ZNF605: variants seen among roughly 807,000 people sequenced by gnomAD.
ZNF605 encodes zinc finger protein 605.
ZNF605 carries 9 observed loss-of-function variants against 7.9 expected under a neutral mutation model. The ratio of observed to expected loss-of-function variants is 1.14; its 90% CI spans 0.68 to 1.98. The LOEUF (loss-of-function observed/expected upper bound fraction) is 1.98, where lower values mean the gene tolerates loss of function less well. Among genes scored for constraint, ZNF605 ranks in the 30% most tolerant of loss-of-function variants. The probability of loss-of-function intolerance (pLI) is 0.00; values close to 1 mark genes in which losing one functional copy is unlikely to be tolerated. For synonymous variants in ZNF605, 255 were observed against 260.1 expected (o/e 0.98, Z 0.19); for missense variants, 673 against 762.4 (o/e 0.88, Z 1.38).
At chr12:132,934,611 CAGG>C (rs56245925) in intron 3 of ZNF605, among the ~76,000 whole-genome samples, 24,109 of 149,334 alleles carry the variant, frequency 0.16, 1,986 homozygotes, top group Non-Finnish European at 0.19. Context: ...GAGGCTGAGA[CAGG>C]AGAATAGCTT....
chr12:132,923,144 C>T lies in ZNF605; in HGVS notation c.*2229G>A, dbSNP rs966621720. 6 of 152,194 alleles carry T rather than the reference C, an allele frequency of 3.9e-5. No homozygotes were observed. The highest frequency in any genetic ancestry group is 7.3e-5 in the Non-Finnish European group (5 of 68,032). 9.4% of individuals were successfully genotyped at this position (152,194 alleles called of 1,614,324 possible). ...TTAAAAATTCACACTTAAGTGTTAT[C>T]GTCATCACACTTTACTTCTAAATAA... On this transcript the variant is annotated 3_prime_UTR_variant, in exon 5 of 5. Transcript: ENST00000360187.
At chr12:132,950,638 T>C (rs936186893) in intron 1 of ZNF605, among the ~76,000 whole-genome samples, 8 of 148,214 alleles carry the variant, frequency 5.4e-5, no homozygotes, top group Non-Finnish European at 7.4e-5. Context: ...ACACCCTGAG[T>C]ACATCGCACA....
rs1436899902 is a variant in ZNF605 at position 132,920,992 on chromosome 12, A to G, written c.*4381T>C. ...CAGGCATGTGCCACCATGCCCGGCTAATTTTTTTGTATTTAGTAGAGACGG... is the reference window on the plus strand; with the variant it reads ...CAGGCATGTGCCACCATGCCCGGCTGATTTTTTTGTATTTAGTAGAGACGG... On this transcript the variant is annotated 3_prime_UTR_variant, in exon 5 of 5. Transcript: ENST00000360187. The G allele has an allele frequency of 6.6e-6, 1 of 152,110 alleles. No individual in the cohort carries two copies. The highest frequency in any genetic ancestry group is 1.5e-5 in the Non-Finnish European group (1 of 68,058). 9.4% of individuals were successfully genotyped at this position (152,110 alleles called of 1,614,324 possible).
In ZNF605 at chr12:132,933,600, G is replaced by A. The variant is rs1952327725; in HGVS notation, c.16-445C>T. ...TGAGACCCTCAACCAGAACCAACTG[G>A]GCAAGTACCTGGCAGATTCCAAAAC... is the stretch of plus-strand genomic sequence containing the variant. On this transcript the variant is annotated intron_variant, in intron 3 of 4. Transcript: ENST00000360187. The surrounding 1 kb of genome is among the most constrained non-coding windows in gnomAD (Gnocchi z 4.4). Among the ~76,000 whole-genome samples the A allele has an allele frequency of 6.6e-6, 1 of 152,084 alleles. No homozygotes were observed. The highest frequency in any genetic ancestry group is 2.1e-4 in the South Asian group (1 of 4,826).
intron 3 of ZNF605, among the ~76,000 whole-genome samples, chr12:132,934,023 G>A (rs888167656): frequency 6.6e-6 from 1 of 152,074 alleles, no homozygotes; most frequent in Non-Finnish European, 1.5e-5. Context: ...TTGGGAGGCT[G>A]AGGTGGGCGG....
chr12:132,925,787 G>A lies in ZNF605; in HGVS notation c.1512C>T (p.Pro504=). The change falls in exon 5 of 5, where the codon CCC becomes CCT. Residue 504 remains proline (P), a synonymous_variant. Coordinates refer to ENST00000360187, the MANE Select transcript of ZNF605 (RefSeq NM_183238.4). ...HHQRTHTGEK[P]FECSECRKAF... is the part of the protein sequence containing the mutation. ...CTTTCCTACATTCACTACATTCAAA[G>A]GGCTTTTCTCCAGTATGGGTTCTCT... 6.2e-7 allele frequency: 1 copy of A among 1,614,060 alleles called. No individual in the cohort carries two copies. Among genetic ancestry groups the A allele is most frequent in the Non-Finnish European group, 8.5e-7 (1 of 1,179,998 alleles).
In ZNF605 at chr12:132,933,048, A is replaced by G; in HGVS notation, c.123T>C (p.Asn41=). The G allele has an allele frequency of 1.3e-6, 2 of 1,593,004 alleles. No individual in the cohort carries two copies. Among genetic ancestry groups the G allele is most frequent in the Non-Finnish European group, 1.7e-6 (2 of 1,167,630 alleles). ...YRDVMLENYS[N]LVFLEVWLDN... is the part of the protein sequence containing the mutation. ...GAATGTTCTTACCCAAGAAAACCAG[A>G]TTGCTATAGTTCTCCAACATCACAT... is the stretch of plus-strand genomic sequence containing the variant. Residue 41 remains asparagine, a synonymous_variant, in exon 4 of 5, where the codon AAT becomes AAC. Coordinates refer to ENST00000360187, the MANE Select transcript of ZNF605 (RefSeq NM_183238.4). The surrounding 1 kb of genome is among the most constrained non-coding windows in gnomAD (Gnocchi z 4.4).
At chr12:132,946,028 G>A (rs1952491702) in intron 2 of ZNF605, among the ~76,000 whole-genome samples, 1 of 152,138 alleles carries the variant, frequency 6.6e-6, no homozygotes, top group South Asian at 2.1e-4. Flanking sequence ...GAACTGAACA[G>A]CCCCGGCTCC....
Position 132,918,793 on chromosome 12 carries a change from C to G in ZNF605, c.*6580G>C, listed in dbSNP as rs942986032. 5 of 152,266 alleles carry G rather than the reference C, an allele frequency of 3.3e-5. No homozygotes were observed. Among genetic ancestry groups the G allele is most frequent in the African/African-American group, 1.2e-4 (5 of 41,454 alleles). The allele number at this position is 152,266 out of a possible 1,614,324, so 9.4% of individuals were successfully genotyped here. A position where few individuals can be genotyped will look rare whatever the true frequency, so the allele number is the denominator to read the frequency against. On this transcript the variant is annotated 3_prime_UTR_variant, in exon 5 of 5. Coordinates refer to ENST00000360187, the MANE Select transcript of ZNF605 (RefSeq NM_183238.4). ...TAGAGATAGGGTTTTGCCATGTTGG[C>G]CAGGCTGCTCTTGAGCTCCTGAACT...
At chr12:132,940,374 G>A (rs945413333) in intron 3 of ZNF605, among the ~76,000 whole-genome samples, 4 of 152,170 alleles carry the variant, frequency 2.6e-5, no homozygotes, top group Admixed American at 6.5e-5. Context: ...AGGTCTGTGC[G>A]AAATTTCAGG....
At position 132,918,564 on chromosome 12, in the gene ZNF605, C is replaced by G. The variant is rs1287428775; in HGVS notation, c.*6809G>C. ...TGCTCATTTTCAGTTAGCTATTAGC[C>G]TTTTAGCCCCACCCTTGTTTTCTCT... On this transcript the variant is annotated 3_prime_UTR_variant, in exon 5 of 5. Coordinates refer to ENST00000360187, the MANE Select transcript of ZNF605 (RefSeq NM_183238.4). 1 of 152,272 alleles carries G rather than the reference C, an allele frequency of 6.6e-6. No individual in the cohort carries two copies. The highest frequency in any genetic ancestry group is 1.5e-5 in the Non-Finnish European group (1 of 68,116). The allele number at this position is 152,272 out of a possible 1,614,324, so 9.4% of individuals were successfully genotyped here.
rs919231011 is a variant in ZNF605, at chr12:132,919,616, C to T, written c.*5757G>A. The T allele has an allele frequency of 1.3e-5, 2 of 151,302 alleles. No homozygotes were observed. Among genetic ancestry groups the T allele is most frequent in the Non-Finnish European group, 2.9e-5 (2 of 67,938 alleles). 9.4% of individuals were successfully genotyped at this position (151,302 alleles called of 1,614,324 possible). A position where few individuals can be genotyped will look rare whatever the true frequency, so the allele number is the denominator to read the frequency against. Reference sequence around the variant, plus strand: ...TTGTTAGCCAGGATGGTCTCAATCTCCTGACCTCGTGATCCACCCATCTTG... The same window carrying T: ...TTGTTAGCCAGGATGGTCTCAATCTTCTGACCTCGTGATCCACCCATCTTG... On this transcript the variant is annotated 3_prime_UTR_variant, in exon 5 of 5. Transcript: ENST00000360187.
At chr12:132,944,726 CTGTT>C (rs1476610485) in intron 3 of ZNF605, 2 of 152,260 alleles carry the variant, frequency 1.3e-5, no homozygotes, top group African/African-American at 2.4e-5. Context: ...CCTAGGAAAC[CTGTT>C]TGTTTATTAC....
intron 4 of ZNF605, among the ~76,000 whole-genome samples, chr12:132,931,215 A>C (rs1286386820): frequency 6.6e-6 from 1 of 152,206 alleles, no homozygotes; most frequent in Non-Finnish European, 1.5e-5. Context: ...CCCAGGGTAG[A>C]GGCTTAGATG....
At chr12:132,951,297 C>T (rs949470449) in intron 1 of ZNF605, among the ~76,000 whole-genome samples, 10 of 151,424 alleles carry the variant, frequency 6.6e-5, no homozygotes, top group Non-Finnish European at 1.0e-4. Flanking sequence ...CACACAGACA[C>T]GTACACAGAC....
In ZNF605 at chr12:132,926,889, T is replaced by A; in HGVS notation, c.410A>T (p.His137Leu). Residue 137 changes from histidine to leucine, a missense_variant, in exon 5 of 5, where the codon CAT (histidine) becomes CTT (leucine). By Grantham distance (99) the His-to-Leu change is moderately conservative. Coordinates refer to ENST00000360187, the MANE Select transcript of ZNF605 (RefSeq NM_183238.4). ...LLFCIKPGRT[H>L]GGIKYCDCST... Reference sequence around the variant, plus strand: ...GCAATCACAGTATTTTATCCCACCATGGGTTCTGCCAGGTTTGATACAGAA... The same window carrying A: ...GCAATCACAGTATTTTATCCCACCAAGGGTTCTGCCAGGTTTGATACAGAA... 1 of 1,614,210 alleles carries A rather than the reference T, an allele frequency of 6.2e-7. No homozygotes were observed.
intron 3 of ZNF605, chr12:132,945,251 A>G (rs1382033379): frequency 2.9e-6 from 2 of 682,584 alleles, no homozygotes; most frequent in Non-Finnish European, 5.0e-6. Flanking sequence ...GGCATGAGCC[A>G]CCATGCCCAG....
Position 132,925,079 on chromosome 12 carries a change from A to G in ZNF605, c.*294T>C. 3.6e-6 allele frequency: 1 copy of G among 279,756 alleles called. No homozygotes were observed. Among genetic ancestry groups the G allele is most frequent in the Admixed American group, 4.7e-5 (1 of 21,068 alleles). The allele number at this position is 279,756 out of a possible 1,614,324, so 17.3% of individuals were successfully genotyped here. ...TGTTTAGGTATTCTAAACATTTAATAAACTGACTTTTGACTAAAAGCTTCT... is the reference window on the plus strand; with the variant it reads ...TGTTTAGGTATTCTAAACATTTAATGAACTGACTTTTGACTAAAAGCTTCT... On this transcript the variant is annotated 3_prime_UTR_variant, in exon 5 of 5. Transcript: ENST00000360187.
At chr12:132,954,236 C>T (rs1252740313) in intron 1 of ZNF605, among the ~76,000 whole-genome samples, 1 of 149,124 alleles carries the variant, frequency 6.7e-6, no homozygotes, top group Non-Finnish European at 1.5e-5. Flanking sequence ...ACCATAATCA[C>T]CAGCACCCCC....
Sources: gnomAD v4.1 joint callset for allele counts (sites outside exome capture counted in the v4.1 genomes callset) on GRCh38, gnomAD v4.1.1 for gene constraint, Gnocchi (gnomAD v3.1) non-coding constraint, MANE v1.5 for transcripts, NCBI Gene and HGNC (gene_info 2026-07-23, HGNC 2026-07-21) for gene names.